The following SPOCK3 variants were observed in gnomAD, a reference collection of about 807,000 sequenced individuals.
SPOCK3 encodes the protein SPARC (osteonectin), cwcv and kazal like domains proteoglycan 3, also known as testican-3.
In SPOCK3, 30 loss-of-function variants were observed where a neutral mutation model predicts 56.6. The observed-to-expected ratio is 0.53, with a 90% CI of 0.40 to 0.72. The LOEUF is 0.72. Ranked by LOEUF, SPOCK3 falls within the 30% of genes least tolerant of loss-of-function variation. The pLI is 0.00. For missense variants in SPOCK3, 527 were observed against 530.0 expected (o/e 0.99, Z 0.06); for synonymous variants, 196 against 183.3 (o/e 1.07, Z -0.56).
intron 6 of SPOCK3, among the ~76,000 whole-genome samples, chr4:166,810,781 C>T (rs1432132681): frequency 6.6e-6 from 1 of 151,532 alleles, no homozygotes; most frequent in Non-Finnish European, 1.5e-5. Flanking sequence ...TATTTTGTTA[C>T]CAAATAACAT....
chr4:166,968,252 A>G (rs946859767), intron 4 of SPOCK3, among the ~76,000 whole-genome samples: 12 of 152,226 alleles, frequency 7.9e-5, no homozygotes, highest in African/African-American at 4.8e-5. Context: ...GGTAGAAAAG[A>G]AAAACTCATT....
intron 6 of SPOCK3, chr4:166,883,272 A>G (rs1579528277): frequency 6.6e-6 from 1 of 152,210 alleles, no homozygotes; most frequent in East Asian, 1.9e-4. Context: ...AGAGTACTGA[A>G]ATGAATAATG....
chr4:166,769,443 G>T (rs1463650723), intron 7 of SPOCK3, among the ~76,000 whole-genome samples: 3 of 152,216 alleles, frequency 2.0e-5, no homozygotes, highest in Non-Finnish European at 4.4e-5. Context: ...GGAGTTTGCT[G>T]GAGGTCCACT....
At chr4:167,186,131 T>A (rs1309360243) in intron 2 of SPOCK3, among the ~76,000 whole-genome samples, 1 of 152,114 alleles carries the variant, frequency 6.6e-6, no homozygotes, top group Non-Finnish European at 1.5e-5. Flanking sequence ...AGAATGAATG[T>A]TTTTCAGAAA....
At position 166,848,263 on chromosome 4, in the gene SPOCK3, G is replaced by T. The variant is rs868125415; in HGVS notation, c.589+40867C>A. Among the ~76,000 whole-genome samples the T allele has an allele frequency of 1.9e-4, 29 of 152,262 alleles. No individual in the cohort carries two copies. In the Middle Eastern group the frequency reaches 0.014, roughly 71 times the overall value. Reference sequence around the variant, plus strand: ...TAACTCTTCAAATGACTACAGCATAGATGTACTTTTGTTGACTAGAAAAGG... The same window carrying T: ...TAACTCTTCAAATGACTACAGCATATATGTACTTTTGTTGACTAGAAAAGG... On this transcript the variant is annotated intron_variant, in intron 6 of 10. Transcript: ENST00000357545.
intron 6 of SPOCK3, among the ~76,000 whole-genome samples, chr4:166,810,287 G>T (rs1020250730): frequency 3.6e-4 from 55 of 152,108 alleles, no homozygotes; most frequent in African/African-American, 1.3e-3. Context: ...CATGCATAAA[G>T]CAAATAAAAT....
chr4:167,079,099 A>G (rs931127467), intron 2 of SPOCK3, among the ~76,000 whole-genome samples: 7 of 151,916 alleles, frequency 4.6e-5, no homozygotes, highest in Non-Finnish European at 7.4e-5. Context: ...TCTAGCATTT[A>G]TAAAGGTATA....
At chr4:167,014,218 A>G (rs933759002) in intron 3 of SPOCK3, among the ~76,000 whole-genome samples, 1 of 151,306 alleles carries the variant, frequency 6.6e-6, no homozygotes, top group African/African-American at 2.4e-5. Context: ...ATGCAATAAA[A>G]TCCTTTTGAC....
At chr4:166,959,303 T>A (rs941307800) in intron 4 of SPOCK3, among the ~76,000 whole-genome samples, 3 of 152,080 alleles carry the variant, frequency 2.0e-5, no homozygotes, top group African/African-American at 7.2e-5. Flanking sequence ...CTAGGTTAAC[T>A]GGGTAGGTGA....
At chr4:167,072,861 A>T (rs1756811200) in intron 2 of SPOCK3, among the ~76,000 whole-genome samples, 1 of 151,930 alleles carries the variant, frequency 6.6e-6, no homozygotes, top group Non-Finnish European at 1.5e-5. Context: ...TATCTATTCC[A>T]CATTTTCATG....
intron 2 of SPOCK3, among the ~76,000 whole-genome samples, chr4:167,154,656 A>G (rs934011838): frequency 6.6e-6 from 1 of 152,134 alleles, no homozygotes; most frequent in Non-Finnish European, 1.5e-5. Flanking sequence ...CCCCCTGCCT[A>G]TGATTACTTG....
chr4:167,188,180 C>T (rs1289524129), intron 2 of SPOCK3, among the ~76,000 whole-genome samples: 2 of 146,068 alleles, frequency 1.4e-5, no homozygotes, highest in Non-Finnish European at 3.0e-5. Context: ...AGCAATCAAA[C>T]CCGAACTCAG....
At position 166,746,921 on chromosome 4, in the gene SPOCK3, A is replaced by G. The variant is rs544245733; in HGVS notation, c.932-4862T>C. Among the ~76,000 whole-genome samples, 480 of 152,298 alleles carry G rather than the reference A, an allele frequency of 3.2e-3. 2 individuals are homozygous for G. Among genetic ancestry groups the G allele is most frequent in the African/African-American group, 0.011 (459 of 41,574 alleles). On this transcript the variant is annotated intron_variant, in intron 8 of 10. Transcript: ENST00000357545. Reference sequence around the variant, plus strand: ...AATTCCTGGACACATACACCCTCCCAAGACTAAACCAGGAAGAAGTTGAAT... The same window carrying G: ...AATTCCTGGACACATACACCCTCCCGAGACTAAACCAGGAAGAAGTTGAAT...
intron 3 of SPOCK3, among the ~76,000 whole-genome samples, chr4:167,048,516 G>A (rs1753918769): frequency 6.6e-6 from 1 of 152,080 alleles, no homozygotes; most frequent in Non-Finnish European, 1.5e-5. Flanking sequence ...AACATACCTG[G>A]AAACTTCAAC....
intron 2 of SPOCK3, among the ~76,000 whole-genome samples, chr4:167,198,202 C>G (rs899741857): frequency 6.6e-5 from 10 of 152,038 alleles, no homozygotes; most frequent in African/African-American, 2.2e-4. Flanking sequence ...TGAATGAGAT[C>G]CATTTGGTGT....
At chr4:166,805,925 AAAAGGTCT>A (rs1475488304) in intron 6 of SPOCK3, among the ~76,000 whole-genome samples, 1 of 152,152 alleles carries the variant, frequency 6.6e-6, no homozygotes, top group Non-Finnish European at 1.5e-5. Flanking sequence ...TCCACATAGT[AAAAGGTCT>A]AATCTAAAAC....
intron 2 of SPOCK3, among the ~76,000 whole-genome samples, chr4:167,138,149 C>G (rs1387197674): frequency 1.3e-5 from 2 of 151,666 alleles, no homozygotes; most frequent in African/African-American, 4.8e-5. Context: ...AGAATCCAAG[C>G]ACCTTTCAGA....
At chr4:166,820,282 A>G (rs916578177) in intron 6 of SPOCK3, among the ~76,000 whole-genome samples, 2 of 152,100 alleles carry the variant, frequency 1.3e-5, no homozygotes, top group African/African-American at 4.8e-5. Flanking sequence ...CCATGTACAT[A>G]TATCAAAACA....
intron 6 of SPOCK3, among the ~76,000 whole-genome samples, chr4:166,842,778 TG>T (rs1322625569): frequency 6.6e-6 from 1 of 152,218 alleles, no homozygotes; most frequent in South Asian, 2.1e-4. Context: ...TGGCTTCGCC[TG>T]GTGGATCCTG....
Sources: gnomAD v4.1 joint callset for allele counts (sites outside exome capture counted in the v4.1 genomes callset) on GRCh38, gnomAD v4.1.1 for gene constraint, MANE v1.5 for transcripts, NCBI Gene and HGNC (gene_info 2026-07-23, HGNC 2026-07-21) for gene names.